Variants in MRAP observed in about 807,000 individuals in gnomAD.
MRAP encodes the protein melanocortin-2 receptor accessory protein.
A neutral mutation model predicts 8.7 loss-of-function variants in MRAP; 8 were observed. That is an observed-to-expected ratio of 0.92 (90% CI 0.54 to 1.66). The LOEUF (loss-of-function observed/expected upper bound fraction) is 1.66. Among genes scored for constraint, MRAP ranks in the 40% most tolerant of loss-of-function variants. MRAP has a pLI of 0.00. For synonymous variants in MRAP, 95 were observed against 95.5 expected (o/e 1.00, Z 0.03); for missense variants, 237 against 217.1 (o/e 1.09, Z -0.58).
At chr21:32,300,988 T>C (rs2032281699) in intron 1 of MRAP, among the ~76,000 whole-genome samples, 1 of 141,410 alleles carries the variant, frequency 7.1e-6, no homozygotes, top group African/African-American at 2.9e-5. Context: ...ATTTCATATA[T>C]CATGATATAT....
At chr21:32,306,579 C>T in intron 1 of MRAP, 61 bp from the exon 2 acceptor site, 2 of 1,382,906 alleles carry the variant, frequency 1.4e-6, no homozygotes, top group East Asian at 2.3e-5. Flanking sequence ...TCCTTACTGC[C>T]CCTCAGCGTT....
chr21:32,300,782 T>C (rs1018660792), intron 1 of MRAP, among the ~76,000 whole-genome samples: 1 of 146,998 alleles, frequency 6.8e-6, no homozygotes. Flanking sequence ...ATGCCTCCTA[T>C]GTCGGATGTG....
chr21:32,297,231 A>G (rs10427546), upstream of MRAP, among the ~76,000 whole-genome samples: 56,015 of 152,054 alleles, frequency 0.37, 10,931 homozygotes, highest in East Asian at 0.5. Context: ...GGTGGGGGCT[A>G]GTTGTCAGAG....
At chr21:32,295,437 G>A (rs1434893463), upstream of MRAP, among the ~76,000 whole-genome samples, 1 of 152,206 alleles carries the variant, frequency 6.6e-6, no homozygotes, top group African/African-American at 2.4e-5. Flanking sequence ...GGAAGCTGAT[G>A]ACCAGTTTTA....
intron 1 of MRAP, 147 bp from the exon 2 acceptor site, chr21:32,306,493 A>C: frequency 1.4e-6 from 1 of 710,200 alleles, no homozygotes; most frequent in South Asian, 1.5e-5. Flanking sequence ...TTAATGGGAG[A>C]TCTTCCCCAT....
chr21:32,292,676 C>T (rs571259971), intron 1 of MRAP, among the ~76,000 whole-genome samples: 6 of 152,004 alleles, frequency 3.9e-5, no homozygotes, highest in East Asian at 2.0e-4. Flanking sequence ...AGGCTGGTCT[C>T]GAACTCCTGA....
In MRAP at chr21:32,305,731, C is replaced by T. The variant is rs554806966; in HGVS notation, c.107-909C>T. On this transcript the variant is annotated intron_variant, in intron 1 of 2. Transcript: ENST00000303645. ...AATATCTCAGCTTGTGACATCTTGG[C>T]ATTACGCAGTTGGTCTGGGATAAGA... Among the ~76,000 whole-genome samples the T allele has an allele frequency of 3.9e-5, 6 of 152,284 alleles. No individual in the cohort carries two copies. In the South Asian group the frequency reaches 1.2e-3, roughly 32 times the overall value.
intron 1 of MRAP, among the ~76,000 whole-genome samples, chr21:32,304,963 TTG>T (rs1491182099): frequency 1.2e-4 from 12 of 104,038 alleles, no homozygotes; most frequent in East Asian, 8.1e-4. Flanking sequence ...GTTTTTTTTG[TTG>T]TTTTTTTTTT....
chr21:32,298,377 CT>C (rs1457416276), upstream of MRAP, among the ~76,000 whole-genome samples: 1 of 151,962 alleles, frequency 6.6e-6, no homozygotes, highest in Non-Finnish European at 1.5e-5. Flanking sequence ...AGGGGGCTCT[CT>C]TTTGGTTTTA....
intron 1 of MRAP, chr21:32,291,908 A>T (rs1265639373): frequency 2.0e-5 from 3 of 151,172 alleles, no homozygotes; most frequent in Non-Finnish European, 4.4e-5. Flanking sequence ...ACCGCTCTTT[A>T]AAAAAAAAGG....
In MRAP at chr21:32,312,236, T is replaced by C; in HGVS notation, c.*240T>C. ...ACACCTAGCCTGCTTGCTTACTGCT[T>C]ATATTTGCTCAGGGAAGAGTAGGAA... On this transcript the variant is annotated 3_prime_UTR_variant, in exon 3 of 3. Coordinates refer to ENST00000303645, the MANE Select transcript of MRAP (RefSeq NM_001379228.1). 7.0e-7 allele frequency: 1 copy of C among 1,433,868 alleles called. No individual in the cohort carries two copies. The highest frequency in any genetic ancestry group is 9.1e-7 in the Non-Finnish European group (1 of 1,097,062). 88.8% of individuals were successfully genotyped at this position (1,433,868 alleles called of 1,614,324 possible). A position where few individuals can be genotyped will look rare whatever the true frequency, so the allele number is the denominator to read the frequency against.
intron 2 of MRAP, among the ~76,000 whole-genome samples, chr21:32,307,346 G>A (rs2032445204): frequency 6.6e-6 from 1 of 151,876 alleles, no homozygotes; most frequent in Non-Finnish European, 1.5e-5. Context: ...AGGCTGAGAT[G>A]GGTGGATCAC....
chr21:32,300,723 C>T (rs921465497), intron 1 of MRAP, among the ~76,000 whole-genome samples: 8 of 137,678 alleles, frequency 5.8e-5, no homozygotes, highest in Non-Finnish European at 9.2e-5. Flanking sequence ...TATGTCGGGG[C>T]GTCATTCGTC....
chr21:32,312,049 GGA>G lies in MRAP; in HGVS notation c.*54_*55del, dbSNP rs2032594457. The G allele has an allele frequency of 7.5e-6, 12 of 1,610,278 alleles. No homozygotes were observed. The highest frequency in any genetic ancestry group is 1.7e-5 in the Admixed American group (1 of 60,010). On this transcript the variant is annotated 3_prime_UTR_variant, in exon 3 of 3. Transcript: ENST00000303645. ...TGAACTGGTGAAATCAAGCCAACCT[GGA>G]CACATACGTTCCTCGTTCTTCTTAG...
Position 32,311,791 on chromosome 21 carries a change from A to G in MRAP, c.314A>G (p.Gln105Arg), listed in dbSNP as rs1261682989. 5.0e-6 allele frequency: 8 copies of G among 1,613,998 alleles called. No individual in the cohort carries two copies. Among genetic ancestry groups the G allele is most frequent in the Non-Finnish European group, 6.8e-6 (8 of 1,180,050 alleles). The change falls in exon 3 of 3, where the codon CAG becomes CGG. Residue 105 changes from glutamine (Q) to arginine (R), a missense_variant. Transcript: ENST00000303645. The part of the protein sequence containing the change: ...PCHREPLATS[Q>R]AQASSVEPGS... ...CACAGGGAACCCCTGGCAACCTCAC[A>G]GGCTCAGGCGAGCTCAGTGGAGCCA...
At chr21:32,314,502 A>T, downstream of MRAP, 5 of 1,535,312 alleles carry the variant, frequency 3.3e-6, no homozygotes, top group Non-Finnish European at 4.5e-6. Flanking sequence ...AACTTTAAAC[A>T]TCTCTCTTCG....
upstream of MRAP, chr21:32,298,746 G>A (rs1020771117): frequency 3.0e-5 from 15 of 499,284 alleles, no homozygotes; most frequent in Non-Finnish European, 5.2e-5. Flanking sequence ...TATCAAGAAG[G>A]GGCAGATGGG....
chr21:32,306,522 G>C (rs866302226), intron 1 of MRAP, 118 bp from the exon 2 acceptor site: 1 of 779,844 alleles, frequency 1.3e-6, no homozygotes, highest in South Asian at 1.4e-5. Flanking sequence ...CTGAGAGGCT[G>C]GAGGACAACC....
At chr21:32,314,437 G>A, downstream of MRAP, 1 of 896,220 alleles carries the variant, frequency 1.1e-6, no homozygotes, top group Non-Finnish European at 1.8e-6. Context: ...CACCCGCCTT[G>A]GCCTCCCAAA....
Sources: allele counts gnomAD v4.1 joint callset (sites outside exome capture counted in the v4.1 genomes callset), GRCh38; gene constraint gnomAD v4.1.1; transcripts MANE v1.5; gene names NCBI Gene and HGNC (gene_info 2026-07-23, HGNC 2026-07-21).